OSBPL8: variants seen among roughly 807,000 people sequenced by gnomAD.
OSBPL8 encodes oxysterol-binding protein-related protein 8.
In OSBPL8, 59 loss-of-function variants were observed where a neutral mutation model predicts 125.5. The observed-to-expected ratio is 0.47, with a 90% CI of 0.38 to 0.58. The LOEUF is 0.58. Among genes scored for constraint, OSBPL8 ranks in the 20% least tolerant of loss-of-function variants. The probability of loss-of-function intolerance (pLI) is 0.00; values close to 1 mark genes in which losing one functional copy is unlikely to be tolerated. For missense variants in OSBPL8, 758 were observed against 1,047.8 expected (o/e 0.72, Z 3.82); for synonymous variants, 330 against 338.9 (o/e 0.97, Z 0.29).
At chr12:76,466,731 G>A (rs985694084) in intron 2 of OSBPL8, among the ~76,000 whole-genome samples, 1 of 152,144 alleles carries the variant, frequency 6.6e-6, no homozygotes, top group African/African-American at 2.4e-5. Flanking sequence ...GGCCGAAGCG[G>A]GTGGATCATT....
intron 4 of OSBPL8, among the ~76,000 whole-genome samples, chr12:76,416,262 G>C (rs906674406): frequency 4.0e-5 from 6 of 151,852 alleles, no homozygotes; most frequent in Non-Finnish European, 7.4e-5. Flanking sequence ...AAAAAATAAG[G>C]TCAGATAATA....
intron 2 of OSBPL8, among the ~76,000 whole-genome samples, chr12:76,483,222 C>T (rs1176553579): frequency 6.6e-6 from 1 of 152,000 alleles, no homozygotes; most frequent in Non-Finnish European, 1.5e-5. Flanking sequence ...GATTATGCCA[C>T]TGCACTCCAG....
intron 1 of OSBPL8, among the ~76,000 whole-genome samples, chr12:76,539,121 A>T (rs1950573298): frequency 6.6e-6 from 1 of 150,724 alleles, no homozygotes; most frequent in African/African-American, 2.4e-5. Context: ...TGAACCACCT[A>T]CCTTAAAACC....
chr12:76,493,675 T>C (rs1254197288), intron 1 of OSBPL8, among the ~76,000 whole-genome samples: 4 of 152,228 alleles, frequency 2.6e-5, no homozygotes, highest in Non-Finnish European at 5.9e-5. Context: ...TTTTGACAAT[T>C]TGATTAGATA....
chr12:76,368,935 G>A (rs919043465), intron 21 of OSBPL8, among the ~76,000 whole-genome samples: 4 of 152,106 alleles, frequency 2.6e-5, no homozygotes, highest in African/African-American at 9.7e-5. Context: ...CCTGGGGCAA[G>A]GGCAGGTAAA....
chr12:76,519,881 A>G (rs562032593), intron 1 of OSBPL8, among the ~76,000 whole-genome samples: 1 of 152,310 alleles, frequency 6.6e-6, no homozygotes, highest in Admixed American at 6.5e-5. Flanking sequence ...TGCCCCCGTG[A>G]TCCAATCACT....
chr12:76,373,005 TAAAC>T (rs1243785115), intron 18 of OSBPL8, among the ~76,000 whole-genome samples: 2 of 152,150 alleles, frequency 1.3e-5, no homozygotes, highest in African/African-American at 2.4e-5. Flanking sequence ...GGGACAATAA[TAAAC>T]AATAATAAAA....
chr12:76,358,758 T>C lies in OSBPL8; in HGVS notation c.2382A>G (p.Ala794=). Residue 794 remains alanine, a synonymous_variant, in exon 22 of 24, where the codon GCA becomes GCG. Coordinates refer to ENST00000261183, the MANE Select transcript of OSBPL8 (RefSeq NM_020841.5). The part of the protein sequence containing the change: ...HKPTRQQKKV[A]KGYSSPEPDI... ...CAGGTTCTGGGGAGGAATAGCCTTTTGCTACTTTCTTCTGTTGCCTGGTTG... is the reference window on the plus strand; with the variant it reads ...CAGGTTCTGGGGAGGAATAGCCTTTCGCTACTTTCTTCTGTTGCCTGGTTG... 1 of 1,614,164 alleles carries C rather than the reference T, an allele frequency of 6.2e-7. No homozygotes were observed. Among genetic ancestry groups the C allele is most frequent in the Non-Finnish European group, 8.5e-7 (1 of 1,180,004 alleles).
At chr12:76,534,723 C>T (rs1039669162) in intron 1 of OSBPL8, among the ~76,000 whole-genome samples, 2 of 151,980 alleles carry the variant, frequency 1.3e-5, no homozygotes, top group African/African-American at 4.8e-5. Flanking sequence ...TTACTATTTT[C>T]GAGATGATGT....
chr12:76,502,657 C>A (rs1341220970), intron 1 of OSBPL8, among the ~76,000 whole-genome samples: 1 of 152,158 alleles, frequency 6.6e-6, no homozygotes, highest in Non-Finnish European at 1.5e-5. Context: ...CAGAAAATCA[C>A]AACAATCCAA....
intron 17 of OSBPL8, among the ~76,000 whole-genome samples, chr12:76,374,926 A>G (rs1014309950): frequency 1.3e-5 from 2 of 152,154 alleles, no homozygotes; most frequent in Non-Finnish European, 2.9e-5. Context: ...AAGATGACAC[A>G]TATCTTCTGG....
At chr12:76,432,637 T>C (rs566808290) in intron 4 of OSBPL8, among the ~76,000 whole-genome samples, 2 of 151,846 alleles carry the variant, frequency 1.3e-5, no homozygotes, top group African/African-American at 4.8e-5. Flanking sequence ...TTCAAGTAAC[T>C]AGAAAAAGAA....
intron 1 of OSBPL8, among the ~76,000 whole-genome samples, chr12:76,544,011 A>C (rs1263174075): frequency 6.6e-6 from 1 of 152,178 alleles, no homozygotes; most frequent in Non-Finnish European, 1.5e-5. Context: ...CACAGTGCCA[A>C]ATCACAGTAG....
At chr12:76,387,558 T>C (rs1953368971) in intron 12 of OSBPL8, among the ~76,000 whole-genome samples, 1 of 152,216 alleles carries the variant, frequency 6.6e-6, no homozygotes, top group Non-Finnish European at 1.5e-5. Context: ...TGTGTATGTC[T>C]GAAGTAAATT....
chr12:76,385,449 T>G (rs890809804), intron 14 of OSBPL8, among the ~76,000 whole-genome samples: 1 of 152,098 alleles, frequency 6.6e-6, no homozygotes, highest in African/African-American at 2.4e-5. Context: ...AGAGGTATCA[T>G]AGGGGAGAAG....
At chr12:76,499,365 C>CTATT (rs1565947409) in intron 1 of OSBPL8, among the ~76,000 whole-genome samples, 1 of 128,970 alleles carries the variant, frequency 7.8e-6, no homozygotes, top group Non-Finnish European at 1.7e-5. Flanking sequence ...ATCTATCTAT[C>CTATT]TAATCTATCT....
chr12:76,557,482 G>A (rs1160021806), intron 1 of OSBPL8, among the ~76,000 whole-genome samples: 2 of 151,952 alleles, frequency 1.3e-5, no homozygotes, highest in African/African-American at 4.8e-5. Context: ...TGGCATGGTG[G>A]CACGCACCTG....
intron 4 of OSBPL8, among the ~76,000 whole-genome samples, chr12:76,447,734 A>G (rs372789152): frequency 9.9e-5 from 15 of 152,130 alleles, no homozygotes; most frequent in East Asian, 5.8e-4. Context: ...TTAAGTAGAG[A>G]TGGGGTTTCA....
intron 3 of OSBPL8, among the ~76,000 whole-genome samples, chr12:76,455,104 G>A (rs144759357): frequency 0.023 from 3,469 of 151,928 alleles, 45 homozygotes; most frequent in Admixed American, 0.038. Context: ...TTAGCTGGGC[G>A]TGTTGGTGGG....
Sources: gnomAD v4.1 joint callset for allele counts (sites outside exome capture counted in the v4.1 genomes callset) on GRCh38, gnomAD v4.1.1 for gene constraint, MANE v1.5 for transcripts, NCBI Gene and HGNC (gene_info 2026-07-23, HGNC 2026-07-21) for gene names.